Variants in LINC00632 observed in about 807,000 individuals in gnomAD.
The protein encoded by LINC00632 is ALDOA related specific transcript.
chrX:140,771,624 C>G (rs1373318936), intron 3 of LINC00632, among the ~76,000 whole-genome samples: 1 of 93,055 alleles, frequency 1.1e-5, no homozygotes, highest in African/African-American at 4.1e-5. Context: ...CACACACACA[C>G]ACACACACAC....
chrX:140,718,117 C>A (rs1441158294), intron 2 of LINC00632, among the ~76,000 whole-genome samples: 2 of 109,867 alleles, frequency 1.8e-5, no homozygotes, highest in Non-Finnish European at 3.8e-5. Context: ...GCCTGGGCAA[C>A]AAGAGCGAAA....
exon 5 of LINC00632, among the ~76,000 whole-genome samples, chrX:140,788,294 T>C (rs1932046930): frequency 9.0e-6 from 1 of 110,500 alleles, no homozygotes; most frequent in African/African-American, 3.3e-5. Flanking sequence ...AATCCCATTA[T>C]TATTTAATAA....
intron 3 of LINC00632, among the ~76,000 whole-genome samples, chrX:140,740,820 T>C (rs752805890): frequency 2.7e-5 from 3 of 112,124 alleles, no homozygotes; most frequent in Non-Finnish European, 3.8e-5. Context: ...ATTATGTAGC[T>C]GATTCCATTC....
chrX:140,725,212 G>A (rs796826286), intron 2 of LINC00632, among the ~76,000 whole-genome samples: 3 of 10,292 alleles, frequency 2.9e-4, no homozygotes, highest in South Asian at 5.5e-3. Context: ...AACACATTCC[G>A]TACACATACT....
At chrX:140,735,954 CA>C (rs751633999) in intron 3 of LINC00632, among the ~76,000 whole-genome samples, 2 of 111,214 alleles carry the variant, frequency 1.8e-5, no homozygotes, top group Admixed American at 1.9e-4. Context: ...ATTTATTTGG[CA>C]AAGGCAGTAT....
In LINC00632 at chrX:140,753,864, C is replaced by G. The variant is rs192786593; in HGVS notation, n.192-18214C>G. ...GATCTCGGCTCACTGCAACCTCTGC[C>G]TCCCAGGTTCAAGCAGTTCTCCTGC... On this transcript the variant is annotated intron_variant and non_coding_transcript_variant, in intron 3 of 4. Coordinates refer to ENST00000648200, the Ensembl canonical transcript of LINC00632. Among the ~76,000 whole-genome samples, 871 of 102,868 alleles carry G rather than the reference C, an allele frequency of 8.5e-3. 3 individuals are homozygous for G. Among genetic ancestry groups the G allele is most frequent in the Middle Eastern group, 0.02 (4 of 197 alleles). 89.3% of individuals were successfully genotyped at this position (102,868 alleles called of 115,157 possible).
rs35880613 is a variant in LINC00632 at position 140,762,209 on chromosome X, A to AAGAGAGAGAGAGAG, written n.192-9848_192-9835dup. Among the ~76,000 whole-genome samples, 232 of 67,124 alleles carry AAGAGAGAGAGAGAG rather than the reference A, an allele frequency of 3.5e-3. 1 individual carries two copies. Among genetic ancestry groups the AAGAGAGAGAGAGAG allele is most frequent in the African/African-American group, 0.01 (200 of 19,402 alleles). 58.3% of individuals were successfully genotyped at this position (67,124 alleles called of 115,157 possible). ...ATAGCGACCTCGTCAGTTTTTCGAA[A>AAGAGAGAGAGAGAG]AGAGAGAGAGAGAGAGAGAGAGAGA... On this transcript the variant is annotated intron_variant and non_coding_transcript_variant, in intron 3 of 4. Coordinates refer to ENST00000648200, the Ensembl canonical transcript of LINC00632.
In LINC00632 at chrX:140,779,262, AAGG is replaced by A; in HGVS notation, n.7285_7287del. Among the ~76,000 whole-genome samples the A allele has an allele frequency of 3.6e-5, 4 of 111,466 alleles. No homozygotes were observed. In the Admixed American group the frequency reaches 3.8e-4, roughly 11 times the overall value. On this transcript the variant is annotated non_coding_transcript_exon_variant, in exon 5 of 5. Transcript: ENST00000648200. ...TAACCACTGTGGCAAAAAGAAAAAAAAGGAGGGGTGGGGAGAAAGGGCAGCCCA... is the reference window on the plus strand; with the variant it reads ...TAACCACTGTGGCAAAAAGAAAAAAAAGGGGTGGGGAGAAAGGGCAGCCCA...
At chrX:140,778,817 G>C (rs1931904051) in exon 5 of LINC00632, among the ~76,000 whole-genome samples, 2 of 111,100 alleles carry the variant, frequency 1.8e-5, no homozygotes, top group Admixed American at 1.9e-4. Flanking sequence ...GAAATACTTT[G>C]ACTTTGGCTT....
intron 3 of LINC00632, among the ~76,000 whole-genome samples, chrX:140,748,799 ATATGATATATTTTATC>A (rs1205019820): frequency 6.5e-4 from 69 of 106,007 alleles, no homozygotes; most frequent in African/African-American, 1.8e-3. Flanking sequence ...TATATTTTAT[ATATGATATATTTTATC>A]TATGATATAT....
chrX:140,756,870 A>C (rs747238639), intron 3 of LINC00632, among the ~76,000 whole-genome samples: 1 of 111,252 alleles, frequency 9.0e-6, no homozygotes, highest in Admixed American at 9.6e-5. Context: ...ACAAGTGTTT[A>C]GTGTTTTTAA....
intron 3 of LINC00632, among the ~76,000 whole-genome samples, chrX:140,758,595 C>T (rs1931534099): frequency 1.8e-5 from 2 of 111,561 alleles, no homozygotes; most frequent in African/African-American, 6.5e-5. Context: ...CCAGGCTGGT[C>T]TCGAACTCCT....
chrX:140,713,809 G>A (rs1459574795), intron 2 of LINC00632: 2 of 327,152 alleles, frequency 6.1e-6, no homozygotes, highest in Non-Finnish European at 1.2e-5. Flanking sequence ...GAGGCACACT[G>A]ATGCACCCCG....
At chrX:140,733,341 C>A (rs1217992177) in intron 2 of LINC00632, among the ~76,000 whole-genome samples, 1 of 111,636 alleles carries the variant, frequency 9.0e-6, no homozygotes, top group African/African-American at 3.3e-5. Flanking sequence ...CAGACACACA[C>A]CCCACTGAAA....
intron 3 of LINC00632, among the ~76,000 whole-genome samples, chrX:140,736,436 CTTTT>C (rs748293491): frequency 7.6e-3 from 378 of 50,056 alleles, no homozygotes; most frequent in African/African-American, 0.021. Context: ...TCTTCTTCTT[CTTTT>C]TTTTTTTTTT....
At chrX:140,737,441 T>A (rs905460239) in intron 3 of LINC00632, among the ~76,000 whole-genome samples, 2 of 111,650 alleles carry the variant, frequency 1.8e-5, no homozygotes, top group African/African-American at 6.5e-5. Flanking sequence ...ATCACCTGAG[T>A]ATTTATCATT....
chrX:140,772,316 C>A (rs1931812321), exon 4 of LINC00632: 3 of 296,734 alleles, frequency 1.0e-5, no homozygotes, highest in Non-Finnish European at 1.8e-5. Context: ...TTATTGTTGC[C>A]TCTGCAGCCA....
chrX:140,746,432 A>G (rs761685109), intron 3 of LINC00632, among the ~76,000 whole-genome samples: 175 of 112,139 alleles, frequency 1.6e-3, no homozygotes, highest in Non-Finnish European at 2.5e-3. Flanking sequence ...AAAAAGTGCG[A>G]TATATTCTTT....
intron 2 of LINC00632, chrX:140,714,056 C>A (rs1930573786): frequency 4.3e-6 from 1 of 230,456 alleles, no homozygotes; most frequent in African/African-American, 2.9e-5. Flanking sequence ...AACAGACTCT[C>A]CCCAGGGCAC....
Sources: allele counts gnomAD v4.1 joint callset (sites outside exome capture counted in the v4.1 genomes callset), GRCh38; gene constraint gnomAD v4.1.1; transcripts MANE v1.5; gene names NCBI Gene and HGNC (gene_info 2026-07-23, HGNC 2026-07-21).